MYBPC1: variants seen among roughly 807,000 people sequenced by gnomAD.
MYBPC1 encodes myosin-binding protein C, slow-type.
A neutral mutation model predicts 147.1 loss-of-function variants in MYBPC1; 52 were observed. The observed-to-expected ratio is 0.35, with a 90% confidence interval of 0.28 to 0.45. MYBPC1 has a LOEUF of 0.45. Among genes scored for constraint, MYBPC1 ranks in the 20% least tolerant of loss-of-function variants. MYBPC1 has a pLI of 1.00. For synonymous variants in MYBPC1, 477 were observed against 475.9 expected (o/e 1.00, Z -0.03); for missense variants, 1,228 against 1,440.3 (o/e 0.85, Z 2.39).
rs146458682 is a variant in MYBPC1, at chr12:101,680,856, T to C, written c.3433+327T>C. Among the ~76,000 whole-genome samples the C allele has an allele frequency of 3.4e-3, 514 of 152,312 alleles. 3 individuals are homozygous for C. Among genetic ancestry groups the C allele is most frequent in the African/African-American group, 0.012 (494 of 41,572 alleles). On this transcript the variant is annotated intron_variant, in intron 29 of 31. Coordinates refer to ENST00000361466, the MANE Select transcript of MYBPC1 (RefSeq NM_002465.4). Reference sequence around the variant, plus strand: ...TGGTAAGAATGAAAGGGGCTATCACTTTGGTGACATAACCCATCTATAAAT... The same window carrying C: ...TGGTAAGAATGAAAGGGGCTATCACCTTGGTGACATAACCCATCTATAAAT...
chr12:101,689,763 G>A (rs1951391022), downstream of MYBPC1, among the ~76,000 whole-genome samples: 1 of 152,204 alleles, frequency 6.6e-6, no homozygotes, highest in Admixed American at 6.5e-5. Context: ...CTGAGAGCCA[G>A]AGAGCTCAGA....
chr12:101,662,478 G>T lies in MYBPC1; in HGVS notation c.2153G>T (p.Arg718Leu), dbSNP rs556762061. The part of the protein sequence containing the change: ...KMIEGVAYEV[R>L]IFAVNAIGIS... ...ATTGAAGGTGTGGCCTATGAGGTCC[G>T]CATCTTTGCAGTCAATGCCATTGGC... Residue 718 changes from arginine (R) to leucine (L), a missense_variant, in exon 21 of 32, where the codon CGC (arginine) becomes CTC (leucine). Physicochemically the swap from Arg to Leu is moderately radical, Grantham distance 102. Around this residue, in one of 2 missense-constraint regions of MYBPC1, gnomAD observed 1,077 missense variants for 1,314.2 expected, o/e 0.82. Transcript: ENST00000361466. 15 of 1,614,198 alleles carry T rather than the reference G, an allele frequency of 9.3e-6. No homozygotes were observed. Among genetic ancestry groups the T allele is most frequent in the African/African-American group, 1.3e-5 (1 of 75,050 alleles).
At chr12:101,622,733 T>TCAAAAAAAAAAAAAAAA (rs1887711793) in intron 3 of MYBPC1, among the ~76,000 whole-genome samples, 1 of 151,116 alleles carries the variant, frequency 6.6e-6, no homozygotes, top group East Asian at 1.9e-4. Context: ...AGACTCTGTC[T>TCAAAAAAAAAAAAAAAA]AAAAAAAAAT....
chr12:101,651,505 C>T (rs1459611306), intron 16 of MYBPC1, 112 bp downstream of exon 16: 4 of 1,408,166 alleles, frequency 2.8e-6, no homozygotes, highest in Non-Finnish European at 4.0e-6. Flanking sequence ...GGGAGATCAT[C>T]TATTCCTGAT....
chr12:101,608,516 G>T (rs780307264), intron 1 of MYBPC1, among the ~76,000 whole-genome samples: 1 of 152,232 alleles, frequency 6.6e-6, no homozygotes, highest in Non-Finnish European at 1.5e-5. Context: ...AAGTACAGCA[G>T]GACCTCACCT....
intron 3 of MYBPC1, among the ~76,000 whole-genome samples, chr12:101,625,512 A>G (rs993192498): frequency 6.6e-6 from 1 of 152,244 alleles, no homozygotes; most frequent in Admixed American, 6.5e-5. Context: ...AGAATAAAAT[A>G]CAAGTTTTTC....
intron 18 of MYBPC1, 128 bp from the exon 19 acceptor site, chr12:101,659,544 C>T: frequency 2.0e-6 from 2 of 980,968 alleles, no homozygotes; most frequent in Non-Finnish European, 3.2e-6. Context: ...ATATAGTCCA[C>T]CAAATACACT....
intron 1 of MYBPC1, 67 bp from the exon 2 acceptor site, chr12:101,614,429 G>C (rs1344776667): frequency 6.3e-7 from 1 of 1,580,386 alleles, no homozygotes; most frequent in Non-Finnish European, 8.7e-7. Context: ...GCTGCCTGGG[G>C]CTGTAGAAAG....
At chr12:101,627,249 C>A (rs1888810328) in intron 4 of MYBPC1, among the ~76,000 whole-genome samples, 1 of 151,868 alleles carries the variant, frequency 6.6e-6, no homozygotes, top group Admixed American at 6.6e-5. Context: ...TAAAATTTTT[C>A]TTTTCTTTTT....
intron 22 of MYBPC1, chr12:101,664,728 A>G (rs919199662): frequency 1.3e-5 from 2 of 152,188 alleles, no homozygotes; most frequent in East Asian, 1.9e-4. Context: ...TCTTGCACCT[A>G]CTCCACACAC....
chr12:101,618,544 C>A (rs1279402988), intron 3 of MYBPC1, among the ~76,000 whole-genome samples: 1 of 152,166 alleles, frequency 6.6e-6, no homozygotes, highest in Non-Finnish European at 1.5e-5. Flanking sequence ...TTGGGCCAGG[C>A]TGCAAGGCTC....
intron 30 of MYBPC1, 25 bp downstream of exon 30, chr12:101,682,687 G>T: frequency 6.3e-7 from 1 of 1,589,970 alleles, no homozygotes; most frequent in Non-Finnish European, 8.6e-7. Flanking sequence ...TATCCCACTG[G>T]ATATTCTACT....
intron 26 of MYBPC1, among the ~76,000 whole-genome samples, chr12:101,675,915 C>G (rs992945520): frequency 6.6e-6 from 1 of 152,182 alleles, no homozygotes; most frequent in African/African-American, 2.4e-5. Context: ...CCAGTTAGAA[C>G]AGAAAGATTC....
At chr12:101,673,691 A>T in intron 25 of MYBPC1, 69 bp downstream of exon 25, 1 of 1,521,370 alleles carries the variant, frequency 6.6e-7, no homozygotes, top group Non-Finnish European at 9.1e-7. Flanking sequence ...CTTGTCCCTA[A>T]GGCAAGAGCA....
At chr12:101,606,860 T>C (rs1399868424) in intron 1 of MYBPC1, among the ~76,000 whole-genome samples, 1 of 152,168 alleles carries the variant, frequency 6.6e-6, no homozygotes, top group East Asian at 1.9e-4. Context: ...TGTTTGAGTC[T>C]GTCACTCAGG....
At chr12:101,695,841 A>G in the MYBPC1 span, among the ~76,000 whole-genome samples, 1 of 151,832 alleles carries the variant, frequency 6.6e-6, no homozygotes, top group African/African-American at 2.4e-5. Flanking sequence ...TGTCTAAGCT[A>G]TTCAGTCTGT....
At chr12:101,682,812 C>T (rs1415320364) in intron 30 of MYBPC1, 150 bp downstream of exon 30, 23 of 716,082 alleles carry the variant, frequency 3.2e-5, no homozygotes, top group Admixed American at 9.7e-5. Flanking sequence ...ATGCCATGAA[C>T]AAGGAAGGCC....
chr12:101,620,061 C>T (rs1404811207), intron 3 of MYBPC1, among the ~76,000 whole-genome samples: 1 of 152,194 alleles, frequency 6.6e-6, no homozygotes, highest in Non-Finnish European at 1.5e-5. Flanking sequence ...TGCTTGCTTG[C>T]TTGCATCTGG....
intron 28 of MYBPC1, among the ~76,000 whole-genome samples, chr12:101,678,491 T>A (rs1188133541): frequency 6.6e-6 from 1 of 152,188 alleles, no homozygotes; most frequent in Admixed American, 6.5e-5. Flanking sequence ...ATCTCCTGTG[T>A]AAGGAGATGG....
Sources: allele counts gnomAD v4.1 joint callset (sites outside exome capture counted in the v4.1 genomes callset), GRCh38; gene constraint gnomAD v4.1.1; regional missense constraint gnomAD v4.1.1; transcripts MANE v1.5; gene names NCBI Gene and HGNC (gene_info 2026-07-23, HGNC 2026-07-21).